EGF: variants seen among roughly 807,000 people sequenced by gnomAD.
EGF encodes the protein pro-epidermal growth factor.
EGF carries 95 observed loss-of-function variants against 143.8 expected under a neutral mutation model. The observed-to-expected ratio is 0.66, with a 90% CI of 0.56 to 0.78. The LOEUF (loss-of-function observed/expected upper bound fraction) is 0.78, where lower values mean the gene tolerates loss of function less well. EGF is among the 30% of genes least tolerant of loss of function. EGF has a pLI of 0.00. For synonymous variants in EGF, 510 were observed against 510.5 expected, an observed-to-expected ratio of 1.00 and a Z score of 0.01; for missense variants, 1,320 against 1,470.9, an observed-to-expected ratio of 0.90 and a Z score of 1.68.
chr4:109,969,508 C>T (rs984156609), intron 11 of EGF, among the ~76,000 whole-genome samples: 21 of 151,872 alleles, frequency 1.4e-4, no homozygotes, highest in African/African-American at 3.4e-4. Flanking sequence ...ATGTAGATGA[C>T]GGGTTGATGG....
intron 5 of EGF, among the ~76,000 whole-genome samples, chr4:109,945,924 T>A (rs1742782645): frequency 6.6e-6 from 1 of 152,106 alleles, no homozygotes. Flanking sequence ...AGAGAGGGGG[T>A]ACCTATTGTC....
At chr4:109,947,726 G>A (rs569685769) in intron 5 of EGF, among the ~76,000 whole-genome samples, 47 of 152,260 alleles carry the variant, frequency 3.1e-4, no homozygotes, top group African/African-American at 1.1e-3. Flanking sequence ...TATTTACTGA[G>A]TCCCATTCAT....
intron 10 of EGF, among the ~76,000 whole-genome samples, chr4:109,966,341 C>G (rs970988812): frequency 6.6e-6 from 1 of 151,960 alleles, no homozygotes; most frequent in Admixed American, 6.6e-5. Context: ...TAGTATAATG[C>G]CTTCCAATTC....
intron 1 of EGF, among the ~76,000 whole-genome samples, chr4:109,915,414 G>A (rs1736459964): frequency 6.6e-6 from 1 of 152,088 alleles, no homozygotes; most frequent in Admixed American, 6.5e-5. Flanking sequence ...CCACGTCTTG[G>A]CTAAATCTCT....
chr4:109,916,939 G>A (rs1351331266), intron 1 of EGF, among the ~76,000 whole-genome samples: 3 of 152,024 alleles, frequency 2.0e-5, no homozygotes. Context: ...TTTGTAATCA[G>A]AAGAAATGTT....
In EGF at chr4:109,960,907, T is replaced by C; in HGVS notation, c.1107T>C (p.Leu369=). The C allele has an allele frequency of 6.2e-7, 1 of 1,613,990 alleles. No individual in the cohort carries two copies. Among genetic ancestry groups the C allele is most frequent in the Non-Finnish European group, 8.5e-7 (1 of 1,179,908 alleles). ...ECAFWNHGCT[L]GCKNTPGSYY... is the part of the protein sequence containing the mutation. ...CTTTTTGGAATCATGGCTGTACTCT[T>C]GGGTGTAAAAACACCCCTGGATCCT... Residue 369 remains leucine, a synonymous_variant, in exon 7 of 24, where the codon CTT becomes CTC. Coordinates refer to ENST00000265171, the MANE Select transcript of EGF (RefSeq NM_001963.6).
In EGF at chr4:110,012,816, A is replaced by G. The variant is rs927418088; in HGVS notation, c.*1361A>G. Among the ~76,000 whole-genome samples the G allele has an allele frequency of 6.6e-6, 1 of 152,216 alleles. No individual in the cohort carries two copies. The highest frequency in any genetic ancestry group is 2.1e-4 in the South Asian group (1 of 4,828). ...TGCAGCCAAGATATTGTTACTACAGATAACACAACCTGATATGGTAACTTT... is the reference window on the plus strand; with the variant it reads ...TGCAGCCAAGATATTGTTACTACAGGTAACACAACCTGATATGGTAACTTT... On this transcript the variant is annotated 3_prime_UTR_variant, in exon 24 of 24. Coordinates refer to ENST00000265171, the MANE Select transcript of EGF (RefSeq NM_001963.6).
intron 21 of EGF, chr4:110,001,526 G>A (rs1752571005): frequency 2.6e-6 from 2 of 761,430 alleles, no homozygotes; most frequent in East Asian, 1.3e-4. Flanking sequence ...TTGCCAAAGG[G>A]CAGGAAAAAA....
intron 1 of EGF, among the ~76,000 whole-genome samples, chr4:109,921,313 G>T: frequency 6.7e-6 from 1 of 149,942 alleles, no homozygotes. Flanking sequence ...ATCACCTGTT[G>T]ACCTCCTTGC....
At chr4:109,925,886 G>A (rs901987234) in intron 1 of EGF, among the ~76,000 whole-genome samples, 4 of 152,186 alleles carry the variant, frequency 2.6e-5, no homozygotes, top group East Asian at 1.9e-4. Flanking sequence ...GAACACCACA[G>A]CCTTCACAGC....
rs755316861 is a variant in EGF, at chr4:109,943,431, G to A, written c.505G>A (p.Glu169Lys). Residue 169 changes from glutamate (E) to lysine (K), a missense_variant, in exon 3 of 24, where the codon GAA (glutamate) becomes AAA (lysine). Physicochemically the swap from Glu to Lys is moderately conservative, Grantham distance 56. This residue lies in a region of EGF where 1,186 missense variants were observed against 1,313.7 expected (regional missense o/e 0.90). Transcript: ENST00000265171. ...YPANVAVDPV[E>K]RFIFWSSEVA... Reference sequence around the variant, plus strand: ...TGCAAATGTAGCAGTTGATCCAGTAGAAAGGTAAATTCTGCTGTATTCAGA... The same window carrying A: ...TGCAAATGTAGCAGTTGATCCAGTAAAAAGGTAAATTCTGCTGTATTCAGA... 7 of 1,613,346 alleles carry A rather than the reference G, an allele frequency of 4.3e-6. No individual in the cohort carries two copies. Among genetic ancestry groups the A allele is most frequent in the Non-Finnish European group, 5.9e-6 (7 of 1,179,464 alleles).
chr4:110,001,495 A>G (rs1005717903), intron 21 of EGF: 27 of 407,802 alleles, frequency 6.6e-5, no homozygotes, highest in Non-Finnish European at 8.9e-5. Context: ...TGAATGATCA[A>G]TGGTTCATCC....
chr4:109,974,043 A>G (rs1748083907), intron 11 of EGF, among the ~76,000 whole-genome samples: 1 of 152,212 alleles, frequency 6.6e-6, no homozygotes, highest in Non-Finnish European at 1.5e-5. Context: ...ATAAAAACCA[A>G]TAACTTATAA....
Position 109,983,578 on chromosome 4 carries a change from C to T in EGF, c.2491+37C>T, listed in dbSNP as rs370924577. ...TAGTTCTCCAATATACCTTTGGTTC[C>T]AACAGTTTCCATCCTACCAATGAGA... On this transcript the variant is annotated intron_variant, in intron 16 of 23. Coordinates refer to ENST00000265171, the MANE Select transcript of EGF (RefSeq NM_001963.6). 4 of 1,612,172 alleles carry T rather than the reference C, an allele frequency of 2.5e-6. No homozygotes were observed. In the African/African-American group the frequency reaches 4.0e-5, roughly 16 times the overall value.
chr4:110,006,204 G>C (rs563492705), intron 22 of EGF, among the ~76,000 whole-genome samples: 2 of 151,996 alleles, frequency 1.3e-5, no homozygotes, highest in East Asian at 3.9e-4. Context: ...ACTTTGCTGG[G>C]TGTGGTGGTA....
At chr4:109,972,415 G>C (rs1747804230) in intron 11 of EGF, among the ~76,000 whole-genome samples, 1 of 150,250 alleles carries the variant, frequency 6.7e-6, no homozygotes, top group African/African-American at 2.5e-5. Context: ...GCCCGAAACA[G>C]AATTTAGAGA....
At chr4:109,937,408 C>G (rs1161159571) in intron 1 of EGF, among the ~76,000 whole-genome samples, 2 of 150,678 alleles carry the variant, frequency 1.3e-5, no homozygotes, top group African/African-American at 2.4e-5. Context: ...TTCCTCCATC[C>G]CTTTATTTTG....
Position 109,913,027 on chromosome 4 carries a change from C to G in EGF, c.-309C>G, listed in dbSNP as rs1735986627. Reference sequence around the variant, plus strand: ...TTGCCTTGCTCTGTCACAGTGAAGTCAGCCAGAGCAGGGCTGTTAAACTCT... The same window carrying G: ...TTGCCTTGCTCTGTCACAGTGAAGTGAGCCAGAGCAGGGCTGTTAAACTCT... On this transcript the variant is annotated 5_prime_UTR_variant, in exon 1 of 24. Transcript: ENST00000265171. 2.8e-6 allele frequency: 1 copy of G among 351,358 alleles called. No homozygotes were observed. The highest frequency in any genetic ancestry group is 2.1e-5 in the African/African-American group (1 of 47,222). 21.8% of individuals were successfully genotyped at this position (351,358 alleles called of 1,614,324 possible).
chr4:109,977,447 C>G (rs1030515821), intron 13 of EGF: 1 of 151,932 alleles, frequency 6.6e-6, no homozygotes, highest in Non-Finnish European at 1.5e-5. Flanking sequence ...TATTTATTGA[C>G]ACATTACAGG....
Sources: allele counts gnomAD v4.1 joint callset (sites outside exome capture counted in the v4.1 genomes callset), GRCh38; gene constraint gnomAD v4.1.1; regional missense constraint gnomAD v4.1.1; transcripts MANE v1.5; gene names NCBI Gene and HGNC (gene_info 2026-07-23, HGNC 2026-07-21).